Variants in PILRA observed in about 807,000 individuals in gnomAD.
PILRA encodes paired immunoglobulin-like type 2 receptor alpha.
Under a neutral mutation model 33.1 loss-of-function variants are expected in PILRA, and 37 were observed. That is an observed-to-expected ratio of 1.12 (90% CI 0.86 to 1.47). The LOEUF is 1.47. Among genes scored for constraint, PILRA ranks in the 40% most tolerant of loss-of-function variants. PILRA has a pLI of 0.00. For missense variants in PILRA, 312 were observed against 376.2 expected (o/e 0.83, Z 1.41); for synonymous variants, 146 against 149.9 (o/e 0.97, Z 0.19).
intron 3 of PILRA, among the ~76,000 whole-genome samples, chr7:100,391,871 C>G (rs1398045230): frequency 6.6e-6 from 1 of 152,124 alleles, no homozygotes; most frequent in Admixed American, 6.5e-5. Context: ...ACTGGAGATC[C>G]ATGTGTGGCA....
intron 1 of PILRA, 85 bp downstream of exon 1, chr7:100,373,805 AG>A: frequency 6.4e-7 from 1 of 1,551,166 alleles, no homozygotes. Context: ...CATCTTGGGG[AG>A]GGCCCAGGCT....
intron 2 of PILRA, among the ~76,000 whole-genome samples, chr7:100,380,219 T>C (rs1791058649): frequency 6.6e-6 from 1 of 152,164 alleles, no homozygotes; most frequent in Non-Finnish European, 1.5e-5. Flanking sequence ...TATCTTGGCC[T>C]CATCTGTGTT....
chr7:100,395,210 C>T (rs1199030384), intron 3 of PILRA, among the ~76,000 whole-genome samples: 2 of 152,330 alleles, frequency 1.3e-5, no homozygotes, highest in South Asian at 2.1e-4. Context: ...TGTGTCTCCT[C>T]AAATCATGTA....
At chr7:100,380,132 G>C (rs912819625) in intron 2 of PILRA, among the ~76,000 whole-genome samples, 1 of 152,140 alleles carries the variant, frequency 6.6e-6, no homozygotes. Context: ...GAGGGCCTCT[G>C]GGGGAGCACC....
chr7:100,383,375 CTG>C (rs1231437932), intron 2 of PILRA, among the ~76,000 whole-genome samples: 1 of 152,202 alleles, frequency 6.6e-6, no homozygotes, highest in Non-Finnish European at 1.5e-5. Context: ...GATAGAAGAA[CTG>C]GGAGCAGACC....
chr7:100,377,395 C>T (rs765622949), intron 2 of PILRA, among the ~76,000 whole-genome samples: 70 of 151,616 alleles, frequency 4.6e-4, no homozygotes, highest in Non-Finnish European at 8.8e-4. Context: ...TGCCCGCCAC[C>T]GTGCCCGACT....
At chr7:100,387,792 T>A (rs1563119995) in intron 2 of PILRA, among the ~76,000 whole-genome samples, 1 of 152,202 alleles carries the variant, frequency 6.6e-6, no homozygotes, top group South Asian at 2.1e-4. Flanking sequence ...CTGGCTTTTG[T>A]TGTCATTAGG....
At chr7:100,375,061 A>G (rs561838362) in intron 2 of PILRA, among the ~76,000 whole-genome samples, 94 of 151,850 alleles carry the variant, frequency 6.2e-4, no homozygotes, top group African/African-American at 2.0e-3. Context: ...CTCGTGTATC[A>G]TATCCCTCTC....
At position 100,400,078 on chromosome 7, in the gene PILRA, A is replaced by G. The variant is rs1392635141; in HGVS notation, c.*171A>G. The stretch of plus-strand genomic sequence containing the variant: ...CTAGTTAAAAATATATATTAACAAT[A>G]AAGTAACAAATTTAAAAAGATTGTC... On this transcript the variant is annotated 3_prime_UTR_variant, in exon 7 of 7. Transcript: ENST00000198536. 2.0e-6 allele frequency: 1 copy of G among 508,170 alleles called. No homozygotes were observed. Among genetic ancestry groups the G allele is most frequent in the Non-Finnish European group, 3.3e-6 (1 of 307,444 alleles). 31.5% of individuals were successfully genotyped at this position (508,170 alleles called of 1,614,324 possible). A position where few individuals can be genotyped will look rare whatever the true frequency, so the allele number is the denominator to read the frequency against.
rs1212332591 is a variant in PILRA, at chr7:100,373,645, A to G, written c.-12A>G. The G allele has an allele frequency of 2.5e-6, 4 of 1,613,390 alleles. No individual in the cohort carries two copies. In the South Asian group the frequency reaches 3.3e-5, roughly 13 times the overall value. Reference sequence around the variant, plus strand: ...CTGCTGGTCTCCCCGTCCCCTGGAGAAGAACAAGGCCATGGGTCGGCCCCT... The same window carrying G: ...CTGCTGGTCTCCCCGTCCCCTGGAGGAGAACAAGGCCATGGGTCGGCCCCT... On this transcript the variant is annotated 5_prime_UTR_variant, in exon 1 of 7. Transcript: ENST00000198536.
At chr7:100,392,102 AGT>A (rs1466120484) in intron 3 of PILRA, among the ~76,000 whole-genome samples, 1 of 152,168 alleles carries the variant, frequency 6.6e-6, no homozygotes, top group Non-Finnish European at 1.5e-5. Context: ...TGAGCCCAGG[AGT>A]GTGAGACCAA....
intron 2 of PILRA, 181 bp downstream of exon 2, chr7:100,374,614 C>G (rs1311649175): frequency 1.2e-5 from 8 of 694,886 alleles, no homozygotes; most frequent in Non-Finnish European, 2.0e-5. Flanking sequence ...CCCTTGTCTC[C>G]ACAACTGATC....
intron 3 of PILRA, among the ~76,000 whole-genome samples, chr7:100,397,322 G>A (rs1791520238): frequency 6.6e-6 from 1 of 151,976 alleles, no homozygotes; most frequent in Admixed American, 6.6e-5. Flanking sequence ...GGGATGGGAG[G>A]GGCAGGACAC....
chr7:100,378,991 G>T (rs1265062293), intron 2 of PILRA, among the ~76,000 whole-genome samples: 1 of 151,488 alleles, frequency 6.6e-6, no homozygotes, highest in Non-Finnish European at 1.5e-5. Context: ...TACTCCGGAG[G>T]CTGCGGCAGG....
intron 2 of PILRA, among the ~76,000 whole-genome samples, chr7:100,389,344 G>C (rs756075967): frequency 5.9e-5 from 9 of 152,182 alleles, no homozygotes; most frequent in Non-Finnish European, 7.4e-5. Context: ...TGGTTGCACA[G>C]CACTGTGAAT....
chr7:100,387,766 C>G (rs181040747), intron 2 of PILRA, among the ~76,000 whole-genome samples: 4 of 152,174 alleles, frequency 2.6e-5, no homozygotes, highest in South Asian at 2.1e-4. Flanking sequence ...GAGCATATAC[C>G]CACTCGTGAC....
chr7:100,399,887 TACTCTGTCTTAAAGGCCTAACCA>T lies in PILRA; in HGVS notation c.894_*4del, dbSNP rs766573157. ...CAAGAGCCCCCAGAACGAGACCCTG[TACTCTGTCTTAAAGGCCTAACCA>T]ATGGACAGCCCTCTCAAGACTGAAT... On this transcript the variant is annotated stop_lost and 3_prime_UTR_variant, in exon 7 of 7. Coordinates refer to ENST00000198536, the MANE Select transcript of PILRA (RefSeq NM_013439.3). 1 of 1,611,394 alleles carries T rather than the reference TACTCTGTCTTAAAGGCCTAACCA, an allele frequency of 6.2e-7. No homozygotes were observed. Among genetic ancestry groups the T allele is most frequent in the South Asian group, 1.1e-5 (1 of 90,730 alleles).
intron 2 of PILRA, 89 bp from the exon 3 acceptor site, chr7:100,389,799 C>A: frequency 1.8e-6 from 2 of 1,096,012 alleles, no homozygotes; most frequent in Non-Finnish European, 2.8e-6. Context: ...CACTAATGTC[C>A]CCCAACCTAG....
At chr7:100,372,997 G>A (rs1790855139), upstream of PILRA, among the ~76,000 whole-genome samples, 2 of 151,954 alleles carry the variant, frequency 1.3e-5, no homozygotes. Flanking sequence ...CAAGGTCGTG[G>A]TGCCTGCACC....
Sources: allele counts gnomAD v4.1 joint callset (sites outside exome capture counted in the v4.1 genomes callset), GRCh38; gene constraint gnomAD v4.1.1; transcripts MANE v1.5; gene names NCBI Gene and HGNC (gene_info 2026-07-23, HGNC 2026-07-21).